The following WDR7 variants were observed in gnomAD, a reference collection of about 807,000 sequenced individuals.
WDR7 encodes WD repeat domain 7.
Under a neutral mutation model 169.4 loss-of-function variants are expected in WDR7, and 46 were observed. The ratio of observed to expected loss-of-function variants is 0.27; its 90% CI spans 0.21 to 0.35. WDR7 has a LOEUF of 0.35. Among genes scored for constraint, WDR7 ranks in the 10% least tolerant of loss-of-function variants. WDR7 has a pLI of 1.00. For missense variants in WDR7, 1,534 were observed against 1,859.3 expected (o/e 0.83, Z 3.22); for synonymous variants, 612 against 666.8 (o/e 0.92, Z 1.27).
At chr18:56,799,667 A>G (rs2044641030) in intron 19 of WDR7, among the ~76,000 whole-genome samples, 1 of 152,198 alleles carries the variant, frequency 6.6e-6, no homozygotes, top group Admixed American at 6.5e-5. Flanking sequence ...GTGAAACATT[A>G]TATGTGTGCT....
At chr18:56,666,791 G>A (rs1314635939) in intron 1 of WDR7, among the ~76,000 whole-genome samples, 1 of 151,890 alleles carries the variant, frequency 6.6e-6, no homozygotes, top group Non-Finnish European at 1.5e-5. Context: ...TTTGATGTGT[G>A]ATCTTGAGAG....
At chr18:56,847,808 G>A (rs1377487133) in intron 20 of WDR7, among the ~76,000 whole-genome samples, 1 of 152,206 alleles carries the variant, frequency 6.6e-6, no homozygotes, top group East Asian at 1.9e-4. Context: ...TCCACATCGT[G>A]TTAAGCTTGC....
chr18:57,022,865 A>G (rs78029806), intron 27 of WDR7, among the ~76,000 whole-genome samples: 5,704 of 152,320 alleles, frequency 0.037, 131 homozygotes, highest in Non-Finnish European at 0.053. Flanking sequence ...GGCTTTGCCA[A>G]GCGCACTCAC....
At chr18:56,866,088 G>A (rs2045879389) in intron 20 of WDR7, among the ~76,000 whole-genome samples, 2 of 152,238 alleles carry the variant, frequency 1.3e-5, no homozygotes, top group South Asian at 4.1e-4. Flanking sequence ...AGATTCTGGT[G>A]ATCCATCCAG....
chr18:57,027,305 GC>G lies in WDR7; in HGVS notation c.*101del. On this transcript the variant is annotated 3_prime_UTR_variant, in exon 28 of 28. Transcript: ENST00000254442. ...CACACCAGATTGTTCCCAGGGGCCT[GC>G]CCACCCCAGTGCCATCCAGTGGCAC... 1 of 1,445,578 alleles carries G rather than the reference GC, an allele frequency of 6.9e-7. No individual in the cohort carries two copies. Among genetic ancestry groups the G allele is most frequent in the Non-Finnish European group, 9.3e-7 (1 of 1,078,372 alleles). The allele number at this position is 1,445,578 out of a possible 1,614,324, so 89.5% of individuals were successfully genotyped here.
chr18:57,028,283 A>G lies in WDR7; in HGVS notation c.*1076A>G, dbSNP rs765780310. ...CTATGGCACAAATGTTCAGGAGTGT[A>G]TATAAAAATATGTGGGCTCTCGATT... is the stretch of plus-strand genomic sequence containing the variant. On this transcript the variant is annotated 3_prime_UTR_variant, in exon 28 of 28. Transcript: ENST00000254442. 1.3e-5 allele frequency: 2 copies of G among 152,254 alleles called. No individual in the cohort carries two copies. The highest frequency in any genetic ancestry group is 2.1e-4 in the South Asian group (1 of 4,830). 9.4% of individuals were successfully genotyped at this position (152,254 alleles called of 1,614,324 possible).
intron 26 of WDR7, among the ~76,000 whole-genome samples, chr18:57,018,626 A>T (rs1341584018): frequency 6.6e-6 from 1 of 152,242 alleles, no homozygotes; most frequent in East Asian, 1.9e-4. Context: ...ATCAATTAGA[A>T]AGATGGGCTG....
At chr18:56,700,380 C>T (rs1598971854) in intron 12 of WDR7, among the ~76,000 whole-genome samples, 1 of 149,590 alleles carries the variant, frequency 6.7e-6, no homozygotes, top group Admixed American at 6.7e-5. Flanking sequence ...CCTCAGTCAC[C>T]CATGTAGCTG....
intron 25 of WDR7, among the ~76,000 whole-genome samples, chr18:56,957,996 A>G (rs2047280491): frequency 6.6e-6 from 1 of 152,112 alleles, no homozygotes; most frequent in Non-Finnish European, 1.5e-5. Context: ...TTTCAAATTA[A>G]CTTTTAAGTT....
At position 56,779,630 on chromosome 18, in the gene WDR7, ACT is replaced by A. The variant is rs552751458; in HGVS notation, c.3066+82_3066+83del. ...ATGTAAACTTGAAACAAAAATGATT[ACT>A]GTTTATCTGATTTATCATCTGTTCA... is the stretch of plus-strand genomic sequence containing the variant. On this transcript the variant is annotated intron_variant, in intron 18 of 27. Transcript: ENST00000254442. 1,544 of 1,001,784 alleles carry A rather than the reference ACT, an allele frequency of 1.5e-3. 4 individuals carry two copies. Among genetic ancestry groups the A allele is most frequent in the South Asian group, 5.3e-3 (333 of 62,594 alleles). 62.1% of individuals were successfully genotyped at this position (1,001,784 alleles called of 1,614,324 possible).
intron 14 of WDR7, among the ~76,000 whole-genome samples, chr18:56,733,929 G>A (rs1292458480): frequency 6.6e-6 from 1 of 152,116 alleles, no homozygotes; most frequent in African/African-American, 2.4e-5. Flanking sequence ...AGCAGCTGCT[G>A]TGCAATAACT....
intron 20 of WDR7, among the ~76,000 whole-genome samples, chr18:56,832,288 A>T (rs1283314019): frequency 2.6e-5 from 4 of 152,214 alleles, no homozygotes; most frequent in African/African-American, 9.6e-5. Flanking sequence ...CTGCCTCTCT[A>T]GATTCCTCTT....
At chr18:56,986,617 G>C (rs1352563508) in intron 26 of WDR7, among the ~76,000 whole-genome samples, 3 of 152,124 alleles carry the variant, frequency 2.0e-5, no homozygotes, top group Non-Finnish European at 2.9e-5. Context: ...TGACAGATCT[G>C]TACAGAACCC....
chr18:56,653,539 GT>G (rs2024701873), intron 1 of WDR7, among the ~76,000 whole-genome samples: 1 of 152,050 alleles, frequency 6.6e-6, no homozygotes, highest in Non-Finnish European at 1.5e-5. Context: ...AATTCCCGCT[GT>G]TTTCTCTTGC....
At chr18:56,885,865 CA>C (rs1433984568) in intron 21 of WDR7, among the ~76,000 whole-genome samples, 1 of 150,212 alleles carries the variant, frequency 6.7e-6, no homozygotes, top group East Asian at 1.9e-4. Flanking sequence ...AACTCGAACA[CA>C]AGGTTTTTGA....
chr18:56,933,064 G>C (rs1302744294), intron 22 of WDR7, among the ~76,000 whole-genome samples: 1 of 152,102 alleles, frequency 6.6e-6, no homozygotes, highest in African/African-American at 2.4e-5. Flanking sequence ...CACACAGCTG[G>C]GGACAGACTG....
intron 19 of WDR7, among the ~76,000 whole-genome samples, chr18:56,797,876 T>C (rs935360576): frequency 3.3e-5 from 5 of 152,194 alleles, no homozygotes; most frequent in African/African-American, 1.2e-4. Flanking sequence ...TGAGATTCCA[T>C]TTCATTCAGT....
chr18:56,889,251 CT>C (rs1170388944), intron 21 of WDR7, among the ~76,000 whole-genome samples: 1 of 152,178 alleles, frequency 6.6e-6, no homozygotes, highest in Non-Finnish European at 1.5e-5. Context: ...TCCCAGTTCT[CT>C]TTCTATTTTA....
intron 26 of WDR7, among the ~76,000 whole-genome samples, chr18:57,013,969 G>A (rs2048172982): frequency 6.6e-6 from 1 of 152,220 alleles, no homozygotes; most frequent in South Asian, 2.1e-4. Context: ...TGGCCAGGCT[G>A]CATAGGGTTA....
Sources: allele counts gnomAD v4.1 joint callset (sites outside exome capture counted in the v4.1 genomes callset), GRCh38; gene constraint gnomAD v4.1.1; transcripts MANE v1.5; gene names NCBI Gene and HGNC (gene_info 2026-07-23, HGNC 2026-07-21).